The following ASXL3 variants were observed in gnomAD, a reference collection of about 807,000 sequenced individuals.
ASXL3 encodes ASXL transcriptional regulator 3, also known as putative Polycomb group protein ASXL3.
A neutral mutation model predicts 170.6 loss-of-function variants in ASXL3; 34 were observed. The observed-to-expected ratio is 0.20, with a 90% CI of 0.15 to 0.27. The LOEUF is 0.27. Ranked by LOEUF, ASXL3 falls within the 10% of genes least tolerant of loss-of-function variation. ASXL3 has a pLI of 1.00. For synonymous variants in ASXL3, 1,002 were observed against 989.1 expected (o/e 1.01, Z -0.24); for missense variants, 2,592 against 2,695.3 (o/e 0.96, Z 0.85).
intron 1 of ASXL3, among the ~76,000 whole-genome samples, chr18:33,601,900 T>G (rs2065187805): frequency 6.7e-6 from 1 of 149,962 alleles, no homozygotes; most frequent in Non-Finnish European, 1.5e-5. Context: ...AAGCAATCCT[T>G]CTGCCTCAGC....
intron 1 of ASXL3, among the ~76,000 whole-genome samples, chr18:33,581,411 C>T (rs927890843): frequency 6.6e-6 from 1 of 151,392 alleles, no homozygotes; most frequent in African/African-American, 2.4e-5. Flanking sequence ...CTCAAATTAA[C>T]GTTAAGAATG....
At chr18:33,643,697 G>A (rs2065878064) in intron 2 of ASXL3, among the ~76,000 whole-genome samples, 1 of 151,826 alleles carries the variant, frequency 6.6e-6, no homozygotes, top group African/African-American at 2.4e-5. Context: ...TTATAAGTAA[G>A]AGATTTGATA....
At chr18:33,585,530 T>C (rs2065027636) in intron 1 of ASXL3, among the ~76,000 whole-genome samples, 1 of 152,208 alleles carries the variant, frequency 6.6e-6, no homozygotes. Flanking sequence ...TAACTGTTGC[T>C]GGTTTTAATG....
chr18:33,631,177 AT>A (rs2065671315), intron 2 of ASXL3, among the ~76,000 whole-genome samples: 1 of 152,092 alleles, frequency 6.6e-6, no homozygotes, highest in East Asian at 1.9e-4. Context: ...TAGAGGTATT[AT>A]ATGAAGAGAT....
intron 1 of ASXL3, among the ~76,000 whole-genome samples, chr18:33,583,985 G>A (rs1228202379): frequency 1.3e-5 from 2 of 152,094 alleles, no homozygotes; most frequent in Non-Finnish European, 2.9e-5. Flanking sequence ...AAAAGTGGAG[G>A]ATGACTGAGC....
chr18:33,739,481 T>C lies in ASXL3; in HGVS notation c.2077T>C (p.Ser693Pro). 2 of 1,613,956 alleles carry C rather than the reference T, an allele frequency of 1.2e-6. No homozygotes were observed. The highest frequency in any genetic ancestry group is 1.7e-6 in the Non-Finnish European group (2 of 1,179,884). The change falls in exon 11 of 12, where the codon TCT (serine) becomes CCT (proline). Residue 693 changes from serine to proline, a missense_variant. Ser to Pro is a moderately conservative substitution (Grantham distance 74). Transcript: ENST00000269197. ...CACTTCACCTGAAATATCAGAAGCA[T>C]CTCTTATGTCCAACTTACCATTAAC... ...ISTSPEISEA[S>P]LMSNLPLTSE...
chr18:33,623,259 A>G (rs2065545048), intron 2 of ASXL3, among the ~76,000 whole-genome samples: 1 of 152,046 alleles, frequency 6.6e-6, no homozygotes, highest in African/African-American at 2.4e-5. Flanking sequence ...AACTCTCTCA[A>G]TTTTTCTTGT....
intron 8 of ASXL3, among the ~76,000 whole-genome samples, chr18:33,705,767 T>G (rs748145511): frequency 1.2e-4 from 19 of 152,084 alleles, no homozygotes; most frequent in Non-Finnish European, 2.5e-4. Context: ...GCAGCATGCA[T>G]ACAGATAAGT....
intron 4 of ASXL3, among the ~76,000 whole-genome samples, chr18:33,661,246 TTTTG>T (rs1299210638): frequency 6.6e-6 from 1 of 152,120 alleles, no homozygotes; most frequent in East Asian, 1.9e-4. Context: ...TATTGTTTTT[TTTTG>T]TTTGTTTTTA....
At position 33,749,574 on chromosome 18, in the gene ASXL3, G is replaced by T. The variant is rs2067852367; in HGVS notation, c.*2979G>T. 6.6e-6 allele frequency: 1 copy of T among 152,012 alleles called. No individual in the cohort carries two copies. The highest frequency in any genetic ancestry group is 1.5e-5 in the Non-Finnish European group (1 of 68,016). The allele number at this position is 152,012 out of a possible 1,614,324, so 9.4% of individuals were successfully genotyped here. Reference sequence around the variant, plus strand: ...GCCTGAGGTGTATAAAGACATTTAGGTTAGTTAATGGGCATGTTAATAAGA... The same window carrying T: ...GCCTGAGGTGTATAAAGACATTTAGTTTAGTTAATGGGCATGTTAATAAGA... On this transcript the variant is annotated 3_prime_UTR_variant, in exon 12 of 12. Coordinates refer to ENST00000269197, the MANE Select transcript of ASXL3 (RefSeq NM_030632.3).
intron 8 of ASXL3, among the ~76,000 whole-genome samples, chr18:33,695,869 AT>A (rs1235471672): frequency 6.6e-6 from 1 of 152,124 alleles, no homozygotes; most frequent in African/African-American, 2.4e-5. Flanking sequence ...GCCCTCTAAT[AT>A]TTACATAATT....
intron 4 of ASXL3, among the ~76,000 whole-genome samples, chr18:33,647,788 T>A (rs2065937443): frequency 6.6e-6 from 1 of 151,804 alleles, no homozygotes; most frequent in Non-Finnish European, 1.5e-5. Flanking sequence ...AGACAGAAAA[T>A]AAGCAAAATA....
chr18:33,724,561 A>G, intron 8 of ASXL3, among the ~76,000 whole-genome samples: 1 of 152,132 alleles, frequency 6.6e-6, no homozygotes, highest in East Asian at 1.9e-4. Flanking sequence ...ATTCTGGGGA[A>G]TAGTTGTTCT....
At chr18:33,641,459 C>T (rs2065846276) in intron 2 of ASXL3, among the ~76,000 whole-genome samples, 1 of 151,906 alleles carries the variant, frequency 6.6e-6, no homozygotes, top group African/African-American at 2.4e-5. Context: ...GGAAAGGGCC[C>T]AATTGTAGGG....
chr18:33,708,147 A>G (rs2066994227), intron 8 of ASXL3, among the ~76,000 whole-genome samples: 1 of 152,170 alleles, frequency 6.6e-6, no homozygotes, highest in South Asian at 2.1e-4. Context: ...AAAATTAGCT[A>G]GTAAATATTC....
At chr18:33,706,662 G>C (rs1025477559) in intron 8 of ASXL3, among the ~76,000 whole-genome samples, 4 of 151,658 alleles carry the variant, frequency 2.6e-5, no homozygotes, top group Admixed American at 2.6e-4. Context: ...AGTCTTTAGT[G>C]TATTTTTTTT....
chr18:33,739,848 C>A lies in ASXL3; in HGVS notation c.2444C>A (p.Ser815Tyr). The A allele has an allele frequency of 6.2e-7, 1 of 1,613,892 alleles. No homozygotes were observed. The change falls in exon 11 of 12, where the codon TCT (serine) becomes TAT (tyrosine). Residue 815 changes from serine to tyrosine, a missense_variant. By Grantham distance (144) the Ser-to-Tyr change is moderately radical. This residue lies in a region of ASXL3 where 2,246 missense variants were observed against 2,219.6 expected (regional missense o/e 1.01). Coordinates refer to ENST00000269197, the MANE Select transcript of ASXL3 (RefSeq NM_030632.3). Reference protein sequence around the residue: ...SNTPEPIIMSSSSIAPEAFPS... With the variant: ...SNTPEPIIMSYSSIAPEAFPS... ...ACTCCCGAACCCATCATAATGAGTT[C>A]TTCTTCCATTGCTCCTGAAGCATTT...
At chr18:33,640,970 C>A (rs911624977) in intron 2 of ASXL3, among the ~76,000 whole-genome samples, 1 of 150,246 alleles carries the variant, frequency 6.7e-6, no homozygotes, top group Admixed American at 6.6e-5. Flanking sequence ...TAAGACATAA[C>A]AATATAATAA....
At chr18:33,617,433 T>C (rs953158128) in intron 2 of ASXL3, among the ~76,000 whole-genome samples, 21 of 152,036 alleles carry the variant, frequency 1.4e-4, no homozygotes, top group African/African-American at 5.1e-4. Flanking sequence ...GGAGGTTGCA[T>C]TGAGCTGAGA....
Sources: gnomAD v4.1 joint callset for allele counts (sites outside exome capture counted in the v4.1 genomes callset) on GRCh38, gnomAD v4.1.1 for gene constraint, gnomAD v4.1.1 regional missense constraint, MANE v1.5 for transcripts, NCBI Gene and HGNC (gene_info 2026-07-23, HGNC 2026-07-21) for gene names.